The following SDK1 variants were observed in gnomAD, a reference collection of about 807,000 sequenced individuals.
SDK1 encodes the protein sidekick cell adhesion molecule 1.
In SDK1, 157 loss-of-function variants were observed where a neutral mutation model predicts 245.5. The observed-to-expected ratio is 0.64, with a 90% CI of 0.56 to 0.73. The LOEUF (loss-of-function observed/expected upper bound fraction) is 0.73. Ranked by LOEUF, SDK1 falls within the 30% of genes least tolerant of loss-of-function variation. SDK1 has a pLI of 0.00. For missense variants in SDK1, 3,583 were observed against 3,002.3 expected, an observed-to-expected ratio of 1.19 and a Z score of -4.52; for synonymous variants, 1,647 against 1,278.5, an observed-to-expected ratio of 1.29 and a Z score of -6.15.
intron 4 of SDK1, among the ~76,000 whole-genome samples, chr7:3,711,267 C>A (rs896961536): frequency 6.6e-6 from 1 of 152,170 alleles, no homozygotes; most frequent in Non-Finnish European, 1.5e-5. Flanking sequence ...GGAGACTGTG[C>A]TAACCATTAT....
At chr7:3,414,285 G>A (rs1779299289) in intron 1 of SDK1, among the ~76,000 whole-genome samples, 1 of 152,090 alleles carries the variant, frequency 6.6e-6, no homozygotes, top group South Asian at 2.1e-4. Flanking sequence ...TCTGAGACGA[G>A]TGGCCTGGAG....
chr7:3,440,874 C>T (rs187186530), intron 1 of SDK1, among the ~76,000 whole-genome samples: 1 of 152,166 alleles, frequency 6.6e-6, no homozygotes, highest in East Asian at 1.9e-4. Flanking sequence ...AGATACGAAC[C>T]AAAAAGATGT....
intron 4 of SDK1, among the ~76,000 whole-genome samples, chr7:3,802,440 TGG>T (rs1756574461): frequency 6.6e-6 from 1 of 151,782 alleles, no homozygotes; most frequent in South Asian, 2.1e-4. Flanking sequence ...CAGGCTGAGG[TGG>T]GAGGATCACT....
chr7:4,145,916 G>A lies in SDK1; in HGVS notation c.4423G>A (p.Glu1475Lys). 6.2e-7 allele frequency: 1 copy of A among 1,601,640 alleles called. No homozygotes were observed. Among genetic ancestry groups the A allele is most frequent in the Non-Finnish European group, 8.5e-7 (1 of 1,174,444 alleles). ...EATVITTEKR[E>K]RPAPPRELLV... ...CACCGTCATCACCACCGAGAAGAGA[G>A]GTAAGACCTTGGGGGACCCGGGGGT... is the stretch of plus-strand genomic sequence containing the variant. The change falls in exon 29 of 45, where the codon GAG (glutamate) becomes AAG (lysine). Residue 1475 changes from glutamate (E) to lysine (K), a missense_variant and splice_region_variant. Transcript: ENST00000404826.
At chr7:3,426,166 G>T (rs947912925) in intron 1 of SDK1, among the ~76,000 whole-genome samples, 1 of 152,166 alleles carries the variant, frequency 6.6e-6, no homozygotes, top group Non-Finnish European at 1.5e-5. Flanking sequence ...TTTTTGAAGA[G>T]AACTTTTATG....
At chr7:4,254,372 T>A (rs1787503793) in intron 44 of SDK1, among the ~76,000 whole-genome samples, 1 of 152,198 alleles carries the variant, frequency 6.6e-6, no homozygotes, top group Non-Finnish European at 1.5e-5. Flanking sequence ...GAACTGATTC[T>A]TTCTTCTGCC....
chr7:3,561,028 A>G (rs1251459202), intron 1 of SDK1, among the ~76,000 whole-genome samples: 2 of 151,988 alleles, frequency 1.3e-5, no homozygotes, highest in Admixed American at 6.6e-5. Flanking sequence ...CACATCTAAC[A>G]TACTATATGT....
At chr7:3,781,967 C>CAG (rs895884778) in intron 4 of SDK1, among the ~76,000 whole-genome samples, 3 of 152,120 alleles carry the variant, frequency 2.0e-5, no homozygotes, top group African/African-American at 7.2e-5. Context: ...TTAAGGACAG[C>CAG]AGAGAGAAAA....
At chr7:3,996,459 G>A (rs2038665950) in intron 14 of SDK1, among the ~76,000 whole-genome samples, 1 of 152,150 alleles carries the variant, frequency 6.6e-6, no homozygotes. Context: ...TGTTTTATGA[G>A]AAGTGACTTC....
intron 1 of SDK1, among the ~76,000 whole-genome samples, chr7:3,410,158 G>T (rs1039254099): frequency 6.6e-6 from 1 of 152,236 alleles, no homozygotes; most frequent in African/African-American, 2.4e-5. Flanking sequence ...TTTGGAAAGA[G>T]GTATTATTGC....
intron 44 of SDK1, among the ~76,000 whole-genome samples, chr7:4,253,427 T>C (rs1787435772): frequency 6.6e-6 from 1 of 152,216 alleles, no homozygotes; most frequent in Non-Finnish European, 1.5e-5. Context: ...TTTCCTCATA[T>C]TTGTGAATTT....
At chr7:3,692,970 C>T (rs547397903) in intron 4 of SDK1, among the ~76,000 whole-genome samples, 5 of 151,940 alleles carry the variant, frequency 3.3e-5, no homozygotes, top group South Asian at 4.2e-4. Flanking sequence ...TAGTATTTCA[C>T]GTGTGTACCT....
chr7:3,508,448 C>T (rs1782467515), intron 1 of SDK1, among the ~76,000 whole-genome samples: 1 of 151,690 alleles, frequency 6.6e-6, no homozygotes, highest in Non-Finnish European at 1.5e-5. Context: ...CTGCCTCAGC[C>T]TCCTGAGTAG....
intron 1 of SDK1, among the ~76,000 whole-genome samples, chr7:3,503,865 A>G (rs1338878342): frequency 6.6e-6 from 1 of 152,012 alleles, no homozygotes; most frequent in Non-Finnish European, 1.5e-5. Flanking sequence ...AAATATGTAG[A>G]TAAAGGCAAG....
rs59652169 is a variant in SDK1 at position 4,027,206 on chromosome 7, C to G, written c.2602+9854C>G. On this transcript the variant is annotated intron_variant, in intron 17 of 44. Coordinates refer to ENST00000404826, the MANE Select transcript of SDK1 (RefSeq NM_152744.4). The stretch of plus-strand genomic sequence containing the variant: ...TGCCGAGCACCCAGGAGAACTGATA[C>G]TGCACCTGAGGGTCATGGACGATGA... 7.4e-3 allele frequency among the ~76,000 whole-genome samples: 1,131 copies of G among 152,306 alleles called. 11 individuals carry two copies. The highest frequency in any genetic ancestry group is 0.025 in the African/African-American group (1,056 of 41,536).
At chr7:3,446,768 G>C (rs1780354782) in intron 1 of SDK1, among the ~76,000 whole-genome samples, 1 of 152,156 alleles carries the variant, frequency 6.6e-6, no homozygotes, top group Non-Finnish European at 1.5e-5. Context: ...GCAAAGAATA[G>C]TTAATATCCA....
intron 5 of SDK1, among the ~76,000 whole-genome samples, chr7:3,928,810 G>T (rs1779869343): frequency 6.6e-6 from 1 of 152,234 alleles, no homozygotes; most frequent in African/African-American, 2.4e-5. Context: ...CCGCTTTACA[G>T]ATGAGGAAAC....
At chr7:4,190,155 C>T (rs934082171) in intron 35 of SDK1, among the ~76,000 whole-genome samples, 2 of 152,172 alleles carry the variant, frequency 1.3e-5, no homozygotes, top group African/African-American at 2.4e-5. Context: ...TAATTAACGT[C>T]GCAACCCCGA....
intron 2 of SDK1, among the ~76,000 whole-genome samples, chr7:3,637,160 C>G (rs948445171): frequency 1.1e-4 from 17 of 151,938 alleles, no homozygotes; most frequent in African/African-American, 3.9e-4. Context: ...TGCAGTGGTG[C>G]AATCTTAGTT....
Sources: allele counts gnomAD v4.1 joint callset (sites outside exome capture counted in the v4.1 genomes callset), GRCh38; gene constraint gnomAD v4.1.1; transcripts MANE v1.5; gene names NCBI Gene and HGNC (gene_info 2026-07-23, HGNC 2026-07-21).